Variants in TRPM2 observed in about 807,000 individuals in gnomAD.
TRPM2 encodes estrogen-responsive element-associated gene 1 protein.
Under a neutral mutation model 174.0 loss-of-function variants are expected in TRPM2, and 161 were observed. The ratio of observed to expected loss-of-function variants is 0.93; its 90% CI spans 0.81 to 1.05. The LOEUF (loss-of-function observed/expected upper bound fraction) is 1.05, where lower values mean the gene tolerates loss of function less well. TRPM2 is among the 50% of genes least tolerant of loss of function. TRPM2 has a pLI of 0.00. For missense variants in TRPM2, 2,057 were observed against 2,038.0 expected (o/e 1.01, Z -0.18); for synonymous variants, 954 against 861.3 (o/e 1.11, Z -1.88).
At chr21:44,404,704 A>T (rs1375771106) in intron 16 of TRPM2, among the ~76,000 whole-genome samples, 1 of 152,198 alleles carries the variant, frequency 6.6e-6, no homozygotes, top group African/African-American at 2.4e-5. Flanking sequence ...GATAGTGGAT[A>T]GTGATATGAC....
intron 9 of TRPM2, among the ~76,000 whole-genome samples, chr21:44,389,308 C>A (rs1208138752): frequency 6.6e-6 from 1 of 152,144 alleles, no homozygotes; most frequent in Non-Finnish European, 1.5e-5. Flanking sequence ...GAATACACCA[C>A]AGGTTGTTTT....
upstream of TRPM2, chr21:44,350,270 G>T: frequency 2.0e-5 from 3 of 151,146 alleles, no homozygotes; most frequent in South Asian, 5.7e-4. Flanking sequence ...GGGCGGCTCC[G>T]AGCAGGTAGG....
chr21:44,405,186 C>T lies in TRPM2; in HGVS notation c.2583C>T (p.Ala861=), dbSNP rs2049824631. 3.7e-6 allele frequency: 6 copies of T among 1,613,416 alleles called. No homozygotes were observed. The highest frequency in any genetic ancestry group is 5.1e-6 in the Non-Finnish European group (6 of 1,179,978). ...AGTGCGGGCTGATGAAGAAGGCAGC[C>T]TTGTACTTCAGTGACTTCTGGAATA... ...PDECGLMKKA[A]LYFSDFWNKL... The change falls in exon 17 of 32, where the codon GCC becomes GCT. Residue 861 remains alanine (A), a synonymous_variant. Coordinates refer to ENST00000397928, the MANE Select transcript of TRPM2 (RefSeq NM_003307.4).
intron 24 of TRPM2, chr21:44,425,252 G>A: frequency 2.4e-6 from 1 of 420,396 alleles, no homozygotes; most frequent in Middle Eastern, 6.3e-4. Context: ...TGCAGACTGT[G>A]TCTGAACCTG....
chr21:44,361,673 T>G (rs1201810871), intron 2 of TRPM2, among the ~76,000 whole-genome samples: 1 of 152,094 alleles, frequency 6.6e-6, no homozygotes, highest in Non-Finnish European at 1.5e-5. Flanking sequence ...TGTGGGTTAC[T>G]TGAACATTTT....
chr21:44,412,942 C>T (rs995247073), intron 19 of TRPM2, among the ~76,000 whole-genome samples: 1 of 152,030 alleles, frequency 6.6e-6, no homozygotes, highest in Non-Finnish European at 1.5e-5. Flanking sequence ...CATTGTTGAA[C>T]AATTTTAAAA....
intron 5 of TRPM2, among the ~76,000 whole-genome samples, chr21:44,371,790 T>C (rs1055201303): frequency 6.6e-5 from 10 of 152,216 alleles, no homozygotes; most frequent in Non-Finnish European, 1.5e-4. Flanking sequence ...GTCCTCCCTC[T>C]GACCTCAAAG....
intron 9 of TRPM2, 37 bp downstream of exon 9, chr21:44,382,857 G>A (rs2048923322): frequency 6.4e-7 from 1 of 1,570,446 alleles, no homozygotes; most frequent in Non-Finnish European, 8.7e-7. Flanking sequence ...TGGGGTGGAG[G>A]CCAGAACGTG....
rs575590607 is a variant in TRPM2 at position 44,407,222 on chromosome 21, C to G, written c.2962+457C>G. On this transcript the variant is annotated intron_variant, in intron 19 of 31. Transcript: ENST00000397928. ...AGTGCAGTGGCACGTCCACCTCCTG[C>G]GCTCAAGTCCTCCTCCCACCCGTCT... 4.5e-4 allele frequency among the ~76,000 whole-genome samples: 59 copies of G among 130,230 alleles called. No individual in the cohort carries two copies. In the East Asian group the frequency reaches 0.013, roughly 28 times the overall value. The allele number at this position is 130,230 out of a possible 152,430, so 85.4% of individuals were successfully genotyped here. A position where few individuals can be genotyped will look rare whatever the true frequency, so the allele number is the denominator to read the frequency against.
At chr21:44,359,438 T>A (rs2048150030) in intron 2 of TRPM2, among the ~76,000 whole-genome samples, 1 of 151,860 alleles carries the variant, frequency 6.6e-6, no homozygotes, top group Non-Finnish European at 1.5e-5. Context: ...CCGGGAGGAA[T>A]TATTTTTTCC....
intron 19 of TRPM2, among the ~76,000 whole-genome samples, chr21:44,413,536 C>A (rs369676288): frequency 5.1e-4 from 77 of 152,322 alleles, no homozygotes; most frequent in Non-Finnish European, 9.7e-4. Context: ...AGCCACTGCT[C>A]CTGGCCTTTC....
In TRPM2 at chr21:44,379,180, G is replaced by A; in HGVS notation, c.1198G>A (p.Val400Ile). Reference sequence around the variant, plus strand: ...TGAGACCTTCACGGAAAGCAGGATTGTCGAGTGGACCAAAAAGGTGAGGCT... The same window carrying A: ...TGAGACCTTCACGGAAAGCAGGATTATCGAGTGGACCAAAAAGGTGAGGCT... ...MFETFTESRI[V>I]EWTKKIQDIV... Residue 400 changes from valine to isoleucine, a missense_variant, in exon 8 of 32, where the codon GTC becomes ATC. Physicochemically the swap from Val to Ile is conservative, Grantham distance 29. Coordinates refer to ENST00000397928, the MANE Select transcript of TRPM2 (RefSeq NM_003307.4). The A allele has an allele frequency of 6.2e-7, 1 of 1,613,152 alleles. No individual in the cohort carries two copies. Among genetic ancestry groups the A allele is most frequent in the East Asian group, 2.2e-5 (1 of 44,886 alleles).
At chr21:44,389,433 C>A (rs756175937) in intron 9 of TRPM2, among the ~76,000 whole-genome samples, 1 of 152,080 alleles carries the variant, frequency 6.6e-6, no homozygotes. Flanking sequence ...AATTACTGGC[C>A]TTTATGGTAA....
chr21:44,418,183 T>C, intron 21 of TRPM2, 75 bp downstream of exon 21: 1 of 1,539,604 alleles, frequency 6.5e-7, no homozygotes, highest in Non-Finnish European at 8.8e-7. Flanking sequence ...GCATGGCAGC[T>C]CTGCCCAGAA....
intron 9 of TRPM2, among the ~76,000 whole-genome samples, chr21:44,390,533 G>C (rs891535849): frequency 3.3e-5 from 5 of 152,140 alleles, no homozygotes; most frequent in African/African-American, 1.2e-4. Context: ...TCTGAGTCCT[G>C]AGTTTTGGAT....
In TRPM2 at chr21:44,417,595, C is replaced by A. The variant is rs1601207172; in HGVS notation, c.3147-332C>A. ...GTGGGCACGTGGGCGTGGCTCTGCT[C>A]TCTGTGGCATCACAGTGGGCACGTG... On this transcript the variant is annotated intron_variant, in intron 20 of 31. Transcript: ENST00000397928. Among the ~76,000 whole-genome samples, 4 of 111,538 alleles carry A rather than the reference C, an allele frequency of 3.6e-5. No individual in the cohort carries two copies. In the South Asian group the frequency reaches 1.1e-3, roughly 31 times the overall value. 73.2% of individuals were successfully genotyped at this position (111,538 alleles called of 152,430 possible).
At position 44,390,540 on chromosome 21, in the gene TRPM2, G is replaced by A. The variant is rs546217277; in HGVS notation, c.1319-364G>A. On this transcript the variant is annotated intron_variant, in intron 9 of 31. Coordinates refer to ENST00000397928, the MANE Select transcript of TRPM2 (RefSeq NM_003307.4). ...TGATGGCTTCTGAGTCCTGAGTTTT[G>A]GATGTTAGTGTAAGATGCCTGCCCT... Among the ~76,000 whole-genome samples the A allele has an allele frequency of 7.2e-5, 11 of 152,198 alleles. No individual in the cohort carries two copies. In the East Asian group the frequency reaches 2.1e-3, roughly 29 times the overall value.
Position 44,391,338 on chromosome 21 carries a change from T to C in TRPM2, c.1507T>C (p.Phe503Leu). 6.2e-7 allele frequency: 1 copy of C among 1,614,156 alleles called. No individual in the cohort carries two copies. Among genetic ancestry groups the C allele is most frequent in the Non-Finnish European group, 8.5e-7 (1 of 1,180,032 alleles). Residue 503 changes from phenylalanine to leucine, a missense_variant, in exon 11 of 32, where the codon TTC becomes CTC. Phe to Leu is a conservative substitution (Grantham distance 22). Coordinates refer to ENST00000397928, the MANE Select transcript of TRPM2 (RefSeq NM_003307.4). This position sits in a 1 kb window ranked among gnomAD's most constrained non-coding sequence, Gnocchi z 5.0. ...ISNKPEFVKL[F>L]LENGVQLKEF... ...CAACAAGCCTGAGTTTGTGAAGCTCTTCCTGGAGAACGGGGTGCAGCTGAA... is the reference window on the plus strand; with the variant it reads ...CAACAAGCCTGAGTTTGTGAAGCTCCTCCTGGAGAACGGGGTGCAGCTGAA...
At chr21:44,357,492 G>A (rs1432433551) in intron 2 of TRPM2, among the ~76,000 whole-genome samples, 1 of 152,224 alleles carries the variant, frequency 6.6e-6, no homozygotes, top group Non-Finnish European at 1.5e-5. Flanking sequence ...AAAGACACAG[G>A]CCGAGTCTGG....
Sources: gnomAD v4.1 joint callset for allele counts (sites outside exome capture counted in the v4.1 genomes callset) on GRCh38, gnomAD v4.1.1 for gene constraint, Gnocchi (gnomAD v3.1) non-coding constraint, MANE v1.5 for transcripts, NCBI Gene and HGNC (gene_info 2026-07-23, HGNC 2026-07-21) for gene names.